The following RERE variants were observed in gnomAD, a reference collection of about 807,000 sequenced individuals.
The protein encoded by RERE is arginine-glutamic acid dipeptide repeats protein.
A neutral mutation model predicts 146.1 loss-of-function variants in RERE; 40 were observed. The ratio of observed to expected loss-of-function variants is 0.27; its 90% confidence interval spans 0.21 to 0.36. RERE has a LOEUF of 0.36. RERE is among the 10% of genes least tolerant of loss of function. RERE has a pLI of 1.00. For synonymous variants in RERE, 1,003 were observed against 866.0 expected (o/e 1.16, Z -2.78); for missense variants, 1,933 against 2,138.7 (o/e 0.90, Z 1.90).
At chr1:8,448,761 G>A (rs180969400) in intron 11 of RERE, among the ~76,000 whole-genome samples, 18 of 152,050 alleles carry the variant, frequency 1.2e-4, no homozygotes, top group Admixed American at 9.8e-4. Flanking sequence ...CCCGGGAGGC[G>A]CAGGTTGCAC....
At chr1:8,558,634 G>A (rs78280778) in intron 4 of RERE, among the ~76,000 whole-genome samples, 59 of 152,200 alleles carry the variant, frequency 3.9e-4, no homozygotes, top group African/African-American at 1.3e-3. Context: ...CTGCTTTAAC[G>A]AGCAAGTCAC....
At position 8,767,381 on chromosome 1, in the gene RERE, T is replaced by C. The variant is rs371527080; in HGVS notation, c.-145+49779A>G. Reference sequence around the variant, plus strand: ...ACTTTAGGAGTCTGGGGCAGGACAATTGCTTGAGCCAGAATTTGAGACCAG... The same window carrying C: ...ACTTTAGGAGTCTGGGGCAGGACAACTGCTTGAGCCAGAATTTGAGACCAG... On this transcript the variant is annotated intron_variant, in intron 1 of 22. Coordinates refer to ENST00000400908, the MANE Select transcript of RERE (RefSeq NM_001042681.2). Among the ~76,000 whole-genome samples the C allele has an allele frequency of 6.6e-5, 10 of 152,216 alleles. No homozygotes were observed. The East Asian group carries it at 1.4e-3, about 21-fold the overall frequency.
chr1:8,427,176 T>TG (rs1206426829), intron 11 of RERE, among the ~76,000 whole-genome samples: 1 of 152,152 alleles, frequency 6.6e-6, no homozygotes, highest in African/African-American at 2.4e-5. Context: ...AACCATGAGA[T>TG]GCTGAGGGCC....
intron 1 of RERE, among the ~76,000 whole-genome samples, chr1:8,732,982 C>T (rs962480004): frequency 2.6e-5 from 4 of 151,718 alleles, no homozygotes; most frequent in East Asian, 1.9e-4. Context: ...CCACTACGCC[C>T]GGCTAATTTT....
intron 1 of RERE, among the ~76,000 whole-genome samples, chr1:8,723,089 G>C (rs1318295371): frequency 1.3e-5 from 2 of 152,292 alleles, no homozygotes; most frequent in East Asian, 3.9e-4. Context: ...AAGGAATGCT[G>C]AGTCTCTCTT....
chr1:8,607,343 C>T (rs1646728200), intron 4 of RERE, among the ~76,000 whole-genome samples: 1 of 142,694 alleles, frequency 7.0e-6, no homozygotes, highest in African/African-American at 2.6e-5. Context: ...CTGGGTGACA[C>T]AGGGAGATAC....
At chr1:8,528,768 TA>T (rs1167718544) in intron 7 of RERE, among the ~76,000 whole-genome samples, 4 of 151,884 alleles carry the variant, frequency 2.6e-5, no homozygotes, top group African/African-American at 9.7e-5. Flanking sequence ...GCGTTTCAGG[TA>T]AGGGACAGAT....
chr1:8,721,092 T>C (rs1207317336), intron 1 of RERE, among the ~76,000 whole-genome samples: 1 of 151,976 alleles, frequency 6.6e-6, no homozygotes, highest in Non-Finnish European at 1.5e-5. Context: ...AGGTACCCGA[T>C]AGGTCATCTT....
intron 1 of RERE, among the ~76,000 whole-genome samples, chr1:8,696,164 A>G (rs1284725670): frequency 6.6e-6 from 1 of 152,172 alleles, no homozygotes; most frequent in African/African-American, 2.4e-5. Flanking sequence ...TGTGGAAAGC[A>G]GTTTGGAGAT....
At chr1:8,467,096 G>A (rs929564088) in intron 10 of RERE, among the ~76,000 whole-genome samples, 13 of 152,162 alleles carry the variant, frequency 8.5e-5, no homozygotes, top group African/African-American at 3.1e-4. Context: ...AGAAAAACTT[G>A]CTAACTTCCT....
At chr1:8,770,758 G>T (rs1640932675) in intron 1 of RERE, among the ~76,000 whole-genome samples, 1 of 152,134 alleles carries the variant, frequency 6.6e-6, no homozygotes, top group African/African-American at 2.4e-5. Flanking sequence ...CCTAACTTTT[G>T]AATCAGTAAC....
At chr1:8,526,350 A>G (rs1316412744) in intron 7 of RERE, among the ~76,000 whole-genome samples, 1 of 151,608 alleles carries the variant, frequency 6.6e-6, no homozygotes, top group African/African-American at 2.4e-5. Flanking sequence ...TCACCAAGAA[A>G]TAGAATCAAA....
At chr1:8,422,658 A>C in intron 12 of RERE, 69 bp downstream of exon 12, 1 of 1,174,818 alleles carries the variant, frequency 8.5e-7, no homozygotes. Flanking sequence ...ATTTCATAAG[A>C]TCAAATGTGG....
intron 1 of RERE, among the ~76,000 whole-genome samples, chr1:8,795,071 A>T (rs1223408758): frequency 6.6e-6 from 1 of 152,186 alleles, no homozygotes; most frequent in African/African-American, 2.4e-5. Context: ...TCTGTCGCTC[A>T]GGCTGGAGTG....
intron 11 of RERE, among the ~76,000 whole-genome samples, chr1:8,446,618 CCAAT>C (rs1413334048): frequency 6.6e-6 from 1 of 152,172 alleles, no homozygotes; most frequent in Admixed American, 6.6e-5. Context: ...TTCAGGCACA[CCAAT>C]CAAACGTAGG....
At chr1:8,441,798 A>G (rs1644252434) in intron 11 of RERE, among the ~76,000 whole-genome samples, 1 of 152,114 alleles carries the variant, frequency 6.6e-6, no homozygotes, top group Non-Finnish European at 1.5e-5. Context: ...GTTAAGCAAA[A>G]ATGAAAATTA....
At chr1:8,367,067 C>T (rs1353539485) in intron 12 of RERE, among the ~76,000 whole-genome samples, 1 of 152,104 alleles carries the variant, frequency 6.6e-6, no homozygotes, top group African/African-American at 2.4e-5. Flanking sequence ...GAGGTACCTG[C>T]ACCCTCACTT....
At chr1:8,688,430 C>G (rs1639137656) in intron 1 of RERE, among the ~76,000 whole-genome samples, 1 of 151,990 alleles carries the variant, frequency 6.6e-6, no homozygotes, top group South Asian at 2.1e-4. Flanking sequence ...GGCGCAGCAC[C>G]TGCTATTGTA....
At chr1:8,380,990 C>A (rs755721573) in intron 12 of RERE, 24 of 456,584 alleles carry the variant, frequency 5.3e-5, no homozygotes, top group Non-Finnish European at 1.0e-4. Flanking sequence ...TCCCACATGT[C>A]CTGCCTCTGA....
Sources: allele counts gnomAD v4.1 joint callset (sites outside exome capture counted in the v4.1 genomes callset), GRCh38; gene constraint gnomAD v4.1.1; transcripts MANE v1.5; gene names NCBI Gene and HGNC (gene_info 2026-07-23, HGNC 2026-07-21).